The following SLC12A8 variants were observed in gnomAD, a reference collection of about 807,000 sequenced individuals.
SLC12A8 encodes solute carrier family 12 member 8, also known as cation-chloride cotransporter 9.
In SLC12A8, 69 loss-of-function variants were observed where a neutral mutation model predicts 75.6. The ratio of observed to expected loss-of-function variants is 0.91; its 90% CI spans 0.75 to 1.11. The LOEUF is 1.11. Ranked by LOEUF, SLC12A8 falls within the 50% of genes most tolerant of loss-of-function variation. The pLI, the probability that SLC12A8 is intolerant of heterozygous loss-of-function variation, is 0.00. For missense variants in SLC12A8, 877 were observed against 896.7 expected (o/e 0.98, Z 0.28); for synonymous variants, 365 against 372.8 (o/e 0.98, Z 0.24).
chr3:125,136,455 TC>T (rs1560063745), intron 5 of SLC12A8, among the ~76,000 whole-genome samples: 1 of 152,006 alleles, frequency 6.6e-6, no homozygotes, highest in Non-Finnish European at 1.5e-5. Context: ...AATCTATTCC[TC>T]CCCCCTCACT....
intron 6 of SLC12A8, among the ~76,000 whole-genome samples, chr3:125,131,802 C>T (rs1933364731): frequency 6.6e-6 from 1 of 152,056 alleles, no homozygotes; most frequent in African/African-American, 2.4e-5. Flanking sequence ...CAGGAGTGTC[C>T]CCATATTTGA....
chr3:125,086,216 C>T (rs377718737), intron 13 of SLC12A8, among the ~76,000 whole-genome samples: 1 of 152,110 alleles, frequency 6.6e-6, no homozygotes, highest in Non-Finnish European at 1.5e-5. Flanking sequence ...AATAACCATC[C>T]CAAAATATCG....
intron 3 of SLC12A8, 76 bp from the exon 4 acceptor site, chr3:125,187,504 A>G (rs185803387): frequency 0.012 from 16,233 of 1,349,148 alleles, 148 homozygotes; most frequent in Non-Finnish European, 0.016. Context: ...GGCATTGACC[A>G]CCTCCCCTCC....
At chr3:125,120,745 C>T in intron 6 of SLC12A8, 59 bp from the exon 7 acceptor site, 2 of 1,306,596 alleles carry the variant, frequency 1.5e-6, no homozygotes, top group South Asian at 1.2e-5. Context: ...TCGCCTTCCC[C>T]AGGGCTGCCC....
chr3:125,192,141 G>T (rs977723916), intron 2 of SLC12A8, among the ~76,000 whole-genome samples: 3 of 151,918 alleles, frequency 2.0e-5, no homozygotes, highest in Non-Finnish European at 2.9e-5. Context: ...CTTGCTACAG[G>T]CCGACTGTTC....
At chr3:125,209,887 T>C (rs1935302154) in intron 2 of SLC12A8, among the ~76,000 whole-genome samples, 2 of 152,152 alleles carry the variant, frequency 1.3e-5, no homozygotes, top group African/African-American at 2.4e-5. Context: ...TTAGTAGCAA[T>C]GTGGAAAAAG....
intron 4 of SLC12A8, among the ~76,000 whole-genome samples, chr3:125,182,074 C>A (rs913316842): frequency 1.3e-5 from 2 of 152,128 alleles, no homozygotes; most frequent in Non-Finnish European, 2.9e-5. Flanking sequence ...CCTATAATCC[C>A]AGCACTTTGG....
chr3:125,201,702 GAAAAAAAA>G (rs141256499), intron 2 of SLC12A8, among the ~76,000 whole-genome samples: 1 of 95,572 alleles, frequency 1.0e-5, no homozygotes, highest in Admixed American at 1.2e-4. Context: ...AGCCATGATT[GAAAAAAAA>G]AAAAAAAAAA....
At chr3:125,128,177 A>AT (rs776219498) in intron 6 of SLC12A8, among the ~76,000 whole-genome samples, 13,959 of 98,252 alleles carry the variant, frequency 0.14, 2,131 homozygotes, top group Middle Eastern at 0.29. Context: ...GCCTAAGCTT[A>AT]TTTTTATTTT....
chr3:125,127,347 G>A (rs1441159103), intron 6 of SLC12A8, among the ~76,000 whole-genome samples: 1 of 152,156 alleles, frequency 6.6e-6, no homozygotes, highest in Non-Finnish European at 1.5e-5. Flanking sequence ...CCAACTCCAG[G>A]ACCCAGGCAA....
intron 5 of SLC12A8, among the ~76,000 whole-genome samples, chr3:125,175,098 C>T (rs1223299347): frequency 6.6e-6 from 1 of 152,046 alleles, no homozygotes; most frequent in African/African-American, 2.4e-5. Context: ...TTTCCATAAA[C>T]CTAAAACTGC....
chr3:125,096,430 A>G (rs1341617815), intron 10 of SLC12A8, among the ~76,000 whole-genome samples: 1 of 152,128 alleles, frequency 6.6e-6, no homozygotes, highest in Non-Finnish European at 1.5e-5. Context: ...AAAACCTTCT[A>G]TGTCTATTCA....
At chr3:125,124,899 T>C (rs561794753) in intron 6 of SLC12A8, among the ~76,000 whole-genome samples, 1 of 152,346 alleles carries the variant, frequency 6.6e-6, no homozygotes, top group South Asian at 2.1e-4. Flanking sequence ...GTTGGCGTAA[T>C]AGAACAAATA....
At chr3:125,182,533 G>T (rs1168993249) in intron 4 of SLC12A8, among the ~76,000 whole-genome samples, 1 of 148,324 alleles carries the variant, frequency 6.7e-6, no homozygotes, top group Non-Finnish European at 1.5e-5. Context: ...TTGAGACAGA[G>T]TCTTGCTCTG....
At chr3:125,110,470 C>T in intron 8 of SLC12A8, 135 bp from the exon 9 acceptor site, 1 of 761,886 alleles carries the variant, frequency 1.3e-6, no homozygotes, top group Non-Finnish European at 2.0e-6. Context: ...GATACAGTTT[C>T]CACATCCCCA....
chr3:125,147,732 G>A (rs1237027593), intron 5 of SLC12A8, among the ~76,000 whole-genome samples: 2 of 152,142 alleles, frequency 1.3e-5, no homozygotes, highest in Admixed American at 1.3e-4. Context: ...GGATGCTGCT[G>A]CTCCTGACTG....
intron 6 of SLC12A8, among the ~76,000 whole-genome samples, chr3:125,122,323 G>A (rs1249273123): frequency 6.6e-6 from 1 of 152,114 alleles, no homozygotes; most frequent in Non-Finnish European, 1.5e-5. Flanking sequence ...ATTTTGAAAC[G>A]TGAAAACTTT....
chr3:125,106,375 T>C (rs1939023828), intron 10 of SLC12A8, among the ~76,000 whole-genome samples: 1 of 151,862 alleles, frequency 6.6e-6, no homozygotes, highest in Admixed American at 6.6e-5. Flanking sequence ...GTTGTTGTTT[T>C]GTTTTGAGAT....
chr3:125,105,723 G>C (rs1939004651), intron 10 of SLC12A8, among the ~76,000 whole-genome samples: 2 of 152,188 alleles, frequency 1.3e-5, no homozygotes, highest in Admixed American at 6.5e-5. Context: ...GGAGAAGTCA[G>C]AGTGGCATAT....
Sources: allele counts gnomAD v4.1 joint callset (sites outside exome capture counted in the v4.1 genomes callset), GRCh38; gene constraint gnomAD v4.1.1; transcripts MANE v1.5; gene names NCBI Gene and HGNC (gene_info 2026-07-23, HGNC 2026-07-21).